Variants in PIK3CD observed in about 807,000 individuals in gnomAD.
The protein encoded by PIK3CD is phosphatidylinositol 4,5-bisphosphate 3-kinase catalytic subunit delta isoform.
A neutral mutation model predicts 122.9 loss-of-function variants in PIK3CD; 20 were observed. That is an observed-to-expected ratio of 0.16 (90% confidence interval 0.11 to 0.24). The LOEUF (loss-of-function observed/expected upper bound fraction) is 0.24, where lower values mean the gene tolerates loss of function less well. Among genes scored for constraint, PIK3CD ranks in the 10% least tolerant of loss-of-function variants. PIK3CD has a pLI of 1.00. For missense variants in PIK3CD, 787 were observed against 1,406.3 expected (o/e 0.56, Z 7.04); for synonymous variants, 596 against 593.4 (o/e 1.00, Z -0.06).
Position 9,718,148 on chromosome 1 carries a change from A to G in PIK3CD, c.1020+522A>G, listed in dbSNP as rs1258807838. ...TCCTGTTTGCTGGACATGATACCTG[A>G]GTCCTCAGAGGTTGGCCCTCCTGCC... On this transcript the variant is annotated intron_variant, in intron 8 of 23. Coordinates refer to ENST00000377346, the MANE Select transcript of PIK3CD (RefSeq NM_005026.5). The surrounding 1 kb of genome is among the most constrained non-coding windows in gnomAD (Gnocchi z 7.2). 2.2e-6 allele frequency: 1 copy of G among 463,518 alleles called. No homozygotes were observed. Among genetic ancestry groups the G allele is most frequent in the East Asian group, 6.8e-5 (1 of 14,742 alleles). The allele number at this position is 463,518 out of a possible 1,614,324, so 28.7% of individuals were successfully genotyped here. A position where few individuals can be genotyped will look rare whatever the true frequency, so the allele number is the denominator to read the frequency against.
rs746649091 is a variant in PIK3CD at position 9,717,544 on chromosome 1, C to T, written c.938C>T (p.Ser313Phe). 1.9e-6 allele frequency: 3 copies of T among 1,614,106 alleles called. No homozygotes were observed. In the East Asian group the frequency reaches 6.7e-5, roughly 36 times the overall value. The change falls in exon 8 of 24, where the codon TCT (serine) becomes TTT (phenylalanine). Residue 313 changes from serine (S) to phenylalanine (F), a missense_variant. This residue lies in a region of PIK3CD where 592 missense variants were observed against 920.6 expected (regional missense o/e 0.64). Transcript: ENST00000377346. This position sits in a 1 kb window ranked among gnomAD's most constrained non-coding sequence, Gnocchi z 5.4. ...TGCTTCCCCGGCCCCCAGCCTTCCT[C>T]TGTGTCCCTGTGGTCCCTGGAGCAG... ...PPPIPAKKPS[S>F]VSLWSLEQPF...
intron 1 of PIK3CD, among the ~76,000 whole-genome samples, 188 bp from the exon 2 acceptor site, chr1:9,691,279 C>G (rs912850444): frequency 6.6e-6 from 1 of 152,126 alleles, no homozygotes; most frequent in African/African-American, 2.4e-5. Flanking sequence ...CCAAAGGGAG[C>G]TGGGGGTGGC....
chr1:9,710,632 C>T lies in PIK3CD; in HGVS notation c.141+36C>T. The T allele has an allele frequency of 6.5e-7, 1 of 1,526,902 alleles. No homozygotes were observed. The highest frequency in any genetic ancestry group is 9.0e-7 in the Non-Finnish European group (1 of 1,109,042). The allele number at this position is 1,526,902 out of a possible 1,614,324, so 94.6% of individuals were successfully genotyped here. ...CATCCGGTCCTCAGACCTTGGTGCT[C>T]AGAGAGAGAGAGAGAGAGAGAGACA... On this transcript the variant is annotated intron_variant, in intron 3 of 23. Transcript: ENST00000377346. This position sits in a 1 kb window ranked among gnomAD's most constrained non-coding sequence, Gnocchi z 4.7.
At chr1:9,679,760 C>A (rs2101120809) in intron 1 of PIK3CD, among the ~76,000 whole-genome samples, 1 of 152,306 alleles carries the variant, frequency 6.6e-6, no homozygotes, top group East Asian at 1.9e-4. Context: ...AGCTAGAATT[C>A]ACATACCATA....
intron 1 of PIK3CD, among the ~76,000 whole-genome samples, chr1:9,681,439 G>A (rs1164168166): frequency 6.6e-6 from 1 of 152,138 alleles, no homozygotes; most frequent in Non-Finnish European, 1.5e-5. Flanking sequence ...GTTTGAGACG[G>A]AGTCTCACTC....
At position 9,708,546 on chromosome 1, in the gene PIK3CD, A is replaced by T. The variant is rs72871208; in HGVS notation, c.-32-1878A>T. ...TGTGGATACATGTTGGTATAATAAA[A>T]ATATAAAAACATGCATGGACGTCGG... On this transcript the variant is annotated intron_variant, in intron 2 of 23. Coordinates refer to ENST00000377346, the MANE Select transcript of PIK3CD (RefSeq NM_005026.5). Among the ~76,000 whole-genome samples, 229 of 152,270 alleles carry T rather than the reference A, an allele frequency of 1.5e-3. 1 individual carries two copies. The highest frequency in any genetic ancestry group is 5.5e-3 in the African/African-American group (227 of 41,568).
rs566976243 is a variant in PIK3CD at position 9,711,446 on chromosome 1, A to G, written c.141+850A>G. Among the ~76,000 whole-genome samples the G allele has an allele frequency of 1.1e-4, 16 of 152,278 alleles. No individual in the cohort carries two copies. The South Asian group carries it at 2.3e-3, about 22-fold the overall frequency. On this transcript the variant is annotated intron_variant, in intron 3 of 23. Transcript: ENST00000377346. ...GTTGAAAGACTTGTGGTTGCGTCCA[A>G]TTATTCCAATTTCAGCTTTCCCCAT...
rs181777229 is a variant in PIK3CD, at chr1:9,710,898, G to T, written c.141+302G>T. Among the ~76,000 whole-genome samples the T allele has an allele frequency of 6.6e-6, 1 of 152,082 alleles. No individual in the cohort carries two copies. Among genetic ancestry groups the T allele is most frequent in the Non-Finnish European group, 1.5e-5 (1 of 68,010 alleles). On this transcript the variant is annotated intron_variant, in intron 3 of 23. Coordinates refer to ENST00000377346, the MANE Select transcript of PIK3CD (RefSeq NM_005026.5). This position sits in a 1 kb window ranked among gnomAD's most constrained non-coding sequence, Gnocchi z 4.7. ...ACTCCCGGGTTCAAGAGATTCTTCC[G>T]CCTCAGCCTCCTGAGTAGCTGGGAT...
chr1:9,713,098 G>A (rs1647122851), intron 3 of PIK3CD, among the ~76,000 whole-genome samples: 1 of 152,162 alleles, frequency 6.6e-6, no homozygotes, highest in South Asian at 2.1e-4. Flanking sequence ...CCGAAGAATT[G>A]CTTGAACCTG....
intron 1 of PIK3CD, among the ~76,000 whole-genome samples, chr1:9,685,972 A>T (rs1466249233): frequency 6.6e-6 from 1 of 152,246 alleles, no homozygotes; most frequent in Non-Finnish European, 1.5e-5. Flanking sequence ...GAAAGAGAAT[A>T]GCAGAATTCC....
rs1647227097 is a variant in PIK3CD, at chr1:9,715,056, A to G, written c.142-485A>G. On this transcript the variant is annotated intron_variant, in intron 3 of 23. Coordinates refer to ENST00000377346, the MANE Select transcript of PIK3CD (RefSeq NM_005026.5). This position sits in a 1 kb window ranked among gnomAD's most constrained non-coding sequence, Gnocchi z 4.1. ...GCCAGGCATGGTGGTGCATGCCTAT[A>G]ATCCCAGCTACTCGGGAGGCTGAGG... Among the ~76,000 whole-genome samples the G allele has an allele frequency of 6.6e-6, 1 of 152,128 alleles. No homozygotes were observed. Among genetic ancestry groups the G allele is most frequent in the African/African-American group, 2.4e-5 (1 of 41,414 alleles).
chr1:9,672,061 T>G (rs1440140784), intron 1 of PIK3CD, among the ~76,000 whole-genome samples: 1 of 152,138 alleles, frequency 6.6e-6, no homozygotes, highest in African/African-American at 2.4e-5. Context: ...GGCAGTAACC[T>G]TGACCCTGAT....
intron 2 of PIK3CD, among the ~76,000 whole-genome samples, chr1:9,702,119 C>T (rs182203014): frequency 4.0e-5 from 6 of 151,858 alleles, no homozygotes; most frequent in Middle Eastern, 3.4e-3. Context: ...CTCAGCCTCC[C>T]GAGTAGCTGG....
chr1:9,640,614 A>G, the PIK3CD span, among the ~76,000 whole-genome samples: 2 of 151,728 alleles, frequency 1.3e-5, no homozygotes, highest in Non-Finnish European at 2.9e-5. Context: ...GAAAATCAAG[A>G]TGCTGGTGTG....
intron 1 of PIK3CD, among the ~76,000 whole-genome samples, chr1:9,658,625 G>A (rs1644928747): frequency 1.4e-5 from 2 of 147,546 alleles, no homozygotes; most frequent in African/African-American, 5.1e-5. Context: ...TGCCTCCAAG[G>A]TTCAGGAGAT....
intron 2 of PIK3CD, among the ~76,000 whole-genome samples, chr1:9,694,594 C>A (rs531307114): frequency 6.6e-6 from 1 of 152,238 alleles, no homozygotes; most frequent in African/African-American, 2.4e-5. Context: ...GAGCAGCTAG[C>A]CCTACCTGTG....
At chr1:9,707,033 T>G (rs1646860805) in intron 2 of PIK3CD, among the ~76,000 whole-genome samples, 1 of 151,076 alleles carries the variant, frequency 6.6e-6, no homozygotes, top group Non-Finnish European at 1.5e-5. Flanking sequence ...GGCTGGTCTC[T>G]AACTCCTGGC....
At chr1:9,674,342 T>C (rs549410726) in intron 1 of PIK3CD, among the ~76,000 whole-genome samples, 1 of 152,300 alleles carries the variant, frequency 6.6e-6, no homozygotes, top group Non-Finnish European at 1.5e-5. Context: ...CAAACACTTT[T>C]GTAATATGTA....
the PIK3CD span, among the ~76,000 whole-genome samples, chr1:9,630,707 A>AGTGTGT: frequency 0.042 from 6,135 of 147,572 alleles, 166 homozygotes; most frequent in Middle Eastern, 0.075. Flanking sequence ...AAAGAAAGTG[A>AGTGTGT]GTGTGTGTGT....
Sources: gnomAD v4.1 joint callset for allele counts (sites outside exome capture counted in the v4.1 genomes callset) on GRCh38, gnomAD v4.1.1 for gene constraint, gnomAD v4.1.1 regional missense constraint, Gnocchi (gnomAD v3.1) non-coding constraint, MANE v1.5 for transcripts, NCBI Gene and HGNC (gene_info 2026-07-23, HGNC 2026-07-21) for gene names.